The following CHDH variants were observed in gnomAD, a reference collection of about 807,000 sequenced individuals.
CHDH encodes the protein choline dehydrogenase.
CHDH carries 43 observed loss-of-function variants against 56.9 expected under a neutral mutation model. That is an observed-to-expected ratio of 0.76 (90% CI 0.59 to 0.97). The LOEUF (loss-of-function observed/expected upper bound fraction) is 0.97. CHDH is among the 50% of genes least tolerant of loss of function. CHDH has a pLI of 0.00. For synonymous variants in CHDH, 364 were observed against 348.5 expected, an observed-to-expected ratio of 1.04 and a Z score of -0.50; for missense variants, 816 against 821.1, an observed-to-expected ratio of 0.99 and a Z score of 0.08.
chr3:53,824,149 C>G, intron 2 of CHDH, 82 bp from the exon 3 acceptor site: 1 of 750,426 alleles, frequency 1.3e-6, no homozygotes, highest in South Asian at 2.3e-5. Context: ...GGACAGGGTG[C>G]AGCAGGCCCA....
intron 2 of CHDH, among the ~76,000 whole-genome samples, chr3:53,839,669 A>C (rs1698612275): frequency 6.6e-6 from 1 of 152,242 alleles, no homozygotes; most frequent in Admixed American, 6.5e-5. Context: ...CAAAACACTA[A>C]AAATAGAAAT....
rs571997654 is a variant in CHDH, at chr3:53,823,637, G to A, written c.372C>T (p.Arg124=). ...GLDGRVLYWP[R]GRVWGGSSSL... is the part of the protein sequence containing the mutation. ...ATGAGGAGCCACCCCAGACGCGGCC[G>A]CGTGGCCAGTACAGCACGCGGCCGT... Residue 124 remains arginine, a synonymous_variant, in exon 3 of 9, where the codon CGC becomes CGT. Coordinates refer to ENST00000315251, the MANE Select transcript of CHDH (RefSeq NM_018397.5). 41 of 1,544,306 alleles carry A rather than the reference G, an allele frequency of 2.7e-5. No homozygotes were observed. The highest frequency in any genetic ancestry group is 1.4e-4 in the African/African-American group (10 of 73,070).
Position 53,819,484 on chromosome 3 carries a change from G to A in CHDH, c.1263+48C>T. On this transcript the variant is annotated intron_variant, in intron 7 of 8. Transcript: ENST00000315251. The surrounding 1 kb of genome is among the most constrained non-coding windows in gnomAD (Gnocchi z 5.4). ...GGAAGATGGGAGCATCTTCCTTCCT[G>A]GTGGGAAGGAGACATCCTGGGAAGC... The A allele has an allele frequency of 6.4e-7, 1 of 1,560,922 alleles. No individual in the cohort carries two copies. Among genetic ancestry groups the A allele is most frequent in the Non-Finnish European group, 8.7e-7 (1 of 1,152,944 alleles).
intron 2 of CHDH, among the ~76,000 whole-genome samples, chr3:53,824,355 CTGCTGG>C (rs1439277366): frequency 6.6e-6 from 1 of 152,228 alleles, no homozygotes; most frequent in African/African-American, 2.4e-5. Flanking sequence ...TGGAGTCTGC[CTGCTGG>C]AAGGCAGGGG....
chr3:53,841,033 G>A (rs1421792195), intron 1 of CHDH, 34 bp from the exon 2 acceptor site: 1 of 143,154 alleles, frequency 7.0e-6, no homozygotes, highest in African/African-American at 2.4e-5. Context: ...AAAAGTCAGA[G>A]GGTAGAAACT....
Position 53,819,095 on chromosome 3 carries a change from C to A in CHDH, c.1264-55G>T. The A allele has an allele frequency of 8.1e-7, 1 of 1,228,332 alleles. No homozygotes were observed. Among genetic ancestry groups the A allele is most frequent in the South Asian group, 1.3e-5 (1 of 76,692 alleles). 76.1% of individuals were successfully genotyped at this position (1,228,332 alleles called of 1,614,324 possible). On this transcript the variant is annotated intron_variant, in intron 7 of 8. Transcript: ENST00000315251. This position sits in a 1 kb window ranked among gnomAD's most constrained non-coding sequence, Gnocchi z 5.4. ...TCCCTCCATAGACATCCACAGTGAC[C>A]TCTGTCAACCCTGGTTTACCTGTAG...
rs2095618917 is a variant in CHDH, at chr3:53,818,039, C to T, written c.1523G>A (p.Ser508Asn). Residue 508 changes from serine to asparagine, a missense_variant, in exon 9 of 9, where the codon AGC becomes AAC. Physicochemically the swap from Ser to Asn is conservative, Grantham distance 46 (BLOSUM62 1). Coordinates refer to ENST00000315251, the MANE Select transcript of CHDH (RefSeq NM_018397.5). ...IDAFVRAKAD[S>N]AYHPSCTCKM... is the part of the protein sequence containing the mutation. ...ACAGGTGCACGAGGGGTGGTAGGCGCTGTCGGCTTTTGCCCGCACAAAGGC... is the reference window on the plus strand; with the variant it reads ...ACAGGTGCACGAGGGGTGGTAGGCGTTGTCGGCTTTTGCCCGCACAAAGGC... 21 of 1,614,112 alleles carry T rather than the reference C, an allele frequency of 1.3e-5. No individual in the cohort carries two copies. The highest frequency in any genetic ancestry group is 1.6e-5 in the Non-Finnish European group (19 of 1,180,056).
chr3:53,829,188 T>C (rs1204584974), intron 2 of CHDH, among the ~76,000 whole-genome samples: 1 of 152,176 alleles, frequency 6.6e-6, no homozygotes, highest in East Asian at 1.9e-4. Flanking sequence ...TATTACATCC[T>C]GAAAAAGGCA....
chr3:53,845,696 G>A (rs1698847449), intron 1 of CHDH, among the ~76,000 whole-genome samples: 1 of 152,114 alleles, frequency 6.6e-6, no homozygotes, highest in Non-Finnish European at 1.5e-5. Context: ...CATTTTAGGC[G>A]GCGCTAGAGA....
At chr3:53,829,478 C>T (rs774276579) in intron 2 of CHDH, among the ~76,000 whole-genome samples, 4 of 152,148 alleles carry the variant, frequency 2.6e-5, no homozygotes, top group South Asian at 2.1e-4. Flanking sequence ...GGATTATGCA[C>T]GTGTAGGGGC....
rs1268931920 is a variant in CHDH, at chr3:53,819,796, T to G, written c.1121-122A>C. ...TTCCTTTTCCCGGACTCCACTCTAG[T>G]GCCTGGACCCAAGTCCTGTCCACAT... On this transcript the variant is annotated intron_variant, in intron 6 of 8. Transcript: ENST00000315251. This position sits in a 1 kb window ranked among gnomAD's most constrained non-coding sequence, Gnocchi z 5.4. The G allele has an allele frequency of 1.9e-5, 23 of 1,211,314 alleles. No individual in the cohort carries two copies. Among genetic ancestry groups the G allele is most frequent in the Non-Finnish European group, 2.6e-5 (23 of 887,154 alleles). 75.0% of individuals were successfully genotyped at this position (1,211,314 alleles called of 1,614,324 possible).
intron 2 of CHDH, among the ~76,000 whole-genome samples, chr3:53,832,970 T>A (rs988860892): frequency 2.6e-5 from 4 of 152,202 alleles, no homozygotes; most frequent in Non-Finnish European, 5.9e-5. Flanking sequence ...TCTTGTTAAG[T>A]AAATCAAATC....
At chr3:53,829,651 C>T (rs1187418667) in intron 2 of CHDH, among the ~76,000 whole-genome samples, 6 of 152,140 alleles carry the variant, frequency 3.9e-5, no homozygotes, top group Admixed American at 3.9e-4. Context: ...CCCCTCTTGC[C>T]CCACACCTGG....
chr3:53,812,872 C>CTGTA lies in CHDH; in HGVS notation c.*4901_*4904dup, dbSNP rs1480394108. The CTGTA allele has an allele frequency of 6.6e-6, 1 of 151,988 alleles. No homozygotes were observed. Among genetic ancestry groups the CTGTA allele is most frequent in the Non-Finnish European group, 1.5e-5 (1 of 68,002 alleles). The allele number at this position is 151,988 out of a possible 1,614,324, so 9.4% of individuals were successfully genotyped here. ...TGTTGCCTTTTACAAAACTGCTGTACTGTATGTTCTCTTTGAGGGCTTTTA... is the reference window on the plus strand; with the variant it reads ...TGTTGCCTTTTACAAAACTGCTGTACTGTATGTATGTTCTCTTTGAGGGCTTTTA... On this transcript the variant is annotated 3_prime_UTR_variant, in exon 9 of 9. Transcript: ENST00000315251.
At chr3:53,828,162 GACACACACAC>G (rs60594351) in intron 2 of CHDH, among the ~76,000 whole-genome samples, 184 of 145,248 alleles carry the variant, frequency 1.3e-3, no homozygotes, top group African/African-American at 4.3e-3. Context: ...GGAATAACTA[GACACACACAC>G]ACACACACAC....
chr3:53,819,815 TC>T lies in CHDH; in HGVS notation c.1121-142del. On this transcript the variant is annotated intron_variant, in intron 6 of 8. Coordinates refer to ENST00000315251, the MANE Select transcript of CHDH (RefSeq NM_018397.5). This position sits in a 1 kb window ranked among gnomAD's most constrained non-coding sequence, Gnocchi z 5.4. ...CTCTAGTGCCTGGACCCAAGTCCTG[TC>T]CACATCTGTTCACCCCTCACAGGGG... 1 of 996,246 alleles carries T rather than the reference TC, an allele frequency of 1.0e-6. No homozygotes were observed. Among genetic ancestry groups the T allele is most frequent in the Non-Finnish European group, 1.4e-6 (1 of 700,822 alleles). 61.7% of individuals were successfully genotyped at this position (996,246 alleles called of 1,614,324 possible). A position where few individuals can be genotyped will look rare whatever the true frequency, so the allele number is the denominator to read the frequency against.
chr3:53,822,429 G>A (rs1237429205), intron 4 of CHDH, 62 bp downstream of exon 4: 3 of 1,505,300 alleles, frequency 2.0e-6, no homozygotes, highest in Non-Finnish European at 2.7e-6. Context: ...CCCACTCTGA[G>A]CTGGACCACC....
chr3:53,827,967 C>T (rs919306193), intron 2 of CHDH, among the ~76,000 whole-genome samples: 3 of 152,074 alleles, frequency 2.0e-5, no homozygotes, highest in African/African-American at 7.2e-5. Flanking sequence ...GGAGGACTGA[C>T]ACTAACCAAC....
chr3:53,813,850 AG>A lies in CHDH; in HGVS notation c.*3926del, dbSNP rs2095610899. ...GAAAAACACACATTTTTGTGTCCAC[AG>A]GAATAACACATTTAGTTTCTTTAGT... On this transcript the variant is annotated 3_prime_UTR_variant, in exon 9 of 9. Coordinates refer to ENST00000315251, the MANE Select transcript of CHDH (RefSeq NM_018397.5). 2 of 152,184 alleles carry A rather than the reference AG, an allele frequency of 1.3e-5. No homozygotes were observed. Among genetic ancestry groups the A allele is most frequent in the Non-Finnish European group, 2.9e-5 (2 of 68,030 alleles). 9.4% of individuals were successfully genotyped at this position (152,184 alleles called of 1,614,324 possible).
Sources: gnomAD v4.1 joint callset for allele counts (sites outside exome capture counted in the v4.1 genomes callset) on GRCh38, gnomAD v4.1.1 for gene constraint, Gnocchi (gnomAD v3.1) non-coding constraint, MANE v1.5 for transcripts, NCBI Gene and HGNC (gene_info 2026-07-23, HGNC 2026-07-21) for gene names.